GABRB3: variants seen among roughly 807,000 people sequenced by gnomAD.
The protein encoded by GABRB3 is gamma-aminobutyric acid type A receptor subunit beta3, also known as gamma-aminobutyric acid receptor subunit beta-3.
GABRB3 carries 14 observed loss-of-function variants against 52.1 expected under a neutral mutation model. The observed-to-expected ratio is 0.27, with a 90% CI of 0.18 to 0.42. The LOEUF (loss-of-function observed/expected upper bound fraction) is 0.42, where lower values mean the gene tolerates loss of function less well. GABRB3 is among the 10% of genes least tolerant of loss of function. GABRB3 has a pLI of 1.00. For synonymous variants in GABRB3, 260 were observed against 232.3 expected (o/e 1.12, Z -1.08); for missense variants, 307 against 609.1 (o/e 0.50, Z 5.22).
chr15:26,584,646 A>G (rs550617813), intron 4 of GABRB3, among the ~76,000 whole-genome samples: 2 of 152,330 alleles, frequency 1.3e-5, no homozygotes, highest in African/African-American at 4.8e-5. Context: ...GGTTAAGCCA[A>G]CCCTACACTG....
At chr15:26,732,796 C>T (rs569490280) in intron 3 of GABRB3, among the ~76,000 whole-genome samples, 139 of 152,188 alleles carry the variant, frequency 9.1e-4, no homozygotes, top group African/African-American at 3.3e-3. Context: ...CAAGACCATC[C>T]TGGCCAAAAT....
chr15:26,700,544 C>T (rs1159342633), intron 3 of GABRB3, among the ~76,000 whole-genome samples: 3 of 152,198 alleles, frequency 2.0e-5, no homozygotes, highest in Non-Finnish European at 4.4e-5. Context: ...CGGTATCCCT[C>T]ATGAACATTT....
At chr15:26,725,537 C>A (rs922692020) in intron 3 of GABRB3, among the ~76,000 whole-genome samples, 1 of 152,330 alleles carries the variant, frequency 6.6e-6, no homozygotes, top group African/African-American at 2.4e-5. Context: ...TGCTTACATG[C>A]AAATTACTTC....
At chr15:26,759,722 T>G (rs1298351468) in intron 3 of GABRB3, among the ~76,000 whole-genome samples, 1 of 152,206 alleles carries the variant, frequency 6.6e-6, no homozygotes, top group Non-Finnish European at 1.5e-5. Flanking sequence ...ACTCAAAGAA[T>G]GTTAAGATTG....
In GABRB3 at chr15:26,545,534, GT is replaced by G. The variant is rs2140639627; in HGVS notation, c.*2258del. 6.5e-6 allele frequency: 1 copy of G among 152,704 alleles called. No individual in the cohort carries two copies. Among genetic ancestry groups the G allele is most frequent in the Non-Finnish European group, 1.5e-5 (1 of 68,026 alleles). The allele number at this position is 152,704 out of a possible 1,614,324, so 9.5% of individuals were successfully genotyped here. A position where few individuals can be genotyped will look rare whatever the true frequency, so the allele number is the denominator to read the frequency against. On this transcript the variant is annotated 3_prime_UTR_variant, in exon 9 of 9. Transcript: ENST00000311550. ...TATACACTTAAATAGACCATTGACT[GT>G]TTTTGTCCACATCCATTTACATTTT...
intron 6 of GABRB3, among the ~76,000 whole-genome samples, chr15:26,570,345 C>T (rs963285539): frequency 2.6e-5 from 4 of 152,190 alleles, no homozygotes; most frequent in Admixed American, 2.0e-4. Context: ...TTTTAGACTC[C>T]GTTTCTTGTA....
chr15:26,695,595 T>C (rs1185410858), intron 3 of GABRB3, among the ~76,000 whole-genome samples: 1 of 152,086 alleles, frequency 6.6e-6, no homozygotes, highest in Admixed American at 6.6e-5. Context: ...TTAAAAGAAG[T>C]TCTTCAGAGA....
chr15:26,576,287 CA>C (rs1246461986), intron 6 of GABRB3, among the ~76,000 whole-genome samples: 1 of 152,186 alleles, frequency 6.6e-6, no homozygotes, highest in Non-Finnish European at 1.5e-5. Context: ...GTGCTTTCTT[CA>C]ACAACAGAGT....
intron 3 of GABRB3, among the ~76,000 whole-genome samples, chr15:26,740,136 T>TC (rs1014655726): frequency 6.6e-6 from 1 of 151,890 alleles, no homozygotes; most frequent in African/African-American, 2.4e-5. Flanking sequence ...TGACTTGAGA[T>TC]CCCCCCACCA....
At chr15:26,560,043 A>T (rs1889920154) in intron 8 of GABRB3, among the ~76,000 whole-genome samples, 1 of 152,194 alleles carries the variant, frequency 6.6e-6, no homozygotes, top group Non-Finnish European at 1.5e-5. Flanking sequence ...TTTACAACTA[A>T]AGGAATATTG....
At chr15:26,629,082 G>A (rs1892826862) in intron 3 of GABRB3, 7 of 1,535,898 alleles carry the variant, frequency 4.6e-6, no homozygotes, top group African/African-American at 2.7e-5. Context: ...CTAACCGGAA[G>A]TTGTGACTGT....
At chr15:26,657,713 C>G (rs1322519200) in intron 3 of GABRB3, among the ~76,000 whole-genome samples, 29 of 152,078 alleles carry the variant, frequency 1.9e-4, no homozygotes, top group Admixed American at 1.9e-3. Flanking sequence ...ACCACTTTTG[C>G]AAAAATTATG....
At chr15:26,677,267 A>G (rs954523525) in intron 3 of GABRB3, among the ~76,000 whole-genome samples, 1 of 152,230 alleles carries the variant, frequency 6.6e-6, no homozygotes, top group Non-Finnish European at 1.5e-5. Flanking sequence ...ATTCCCAGTT[A>G]GAACACCTTT....
At chr15:26,620,173 A>G (rs1245158492) in intron 4 of GABRB3, among the ~76,000 whole-genome samples, 1 of 152,190 alleles carries the variant, frequency 6.6e-6, no homozygotes, top group Non-Finnish European at 1.5e-5. Context: ...AACTTCCCAA[A>G]GAAACTCCAG....
intron 6 of GABRB3, among the ~76,000 whole-genome samples, chr15:26,570,248 T>C (rs1333718475): frequency 6.6e-6 from 1 of 152,236 alleles, no homozygotes; most frequent in African/African-American, 2.4e-5. Context: ...TATGTGGATT[T>C]TGGTTCCACA....
At chr15:26,763,605 G>GAT (rs1409749631) in intron 3 of GABRB3, among the ~76,000 whole-genome samples, 2 of 29,552 alleles carry the variant, frequency 6.8e-5, no homozygotes, top group Non-Finnish European at 1.2e-4. Context: ...GGTCTGCATA[G>GAT]ATACACACAC....
rs374816973 is a variant in GABRB3, at chr15:26,618,982, C to A, written c.461+2332G>T. Among the ~76,000 whole-genome samples, 226 of 144,356 alleles carry A rather than the reference C, an allele frequency of 1.6e-3. 4 individuals carry two copies. In the East Asian group the frequency reaches 0.029, roughly 19 times the overall value. The allele number at this position is 144,356 out of a possible 152,430, so 94.7% of individuals were successfully genotyped here. ...ACCACAATGAGATACCATCTCACACCAGTTAGAATGGCAATCATTCAAAAG... is the reference window on the plus strand; with the variant it reads ...ACCACAATGAGATACCATCTCACACAAGTTAGAATGGCAATCATTCAAAAG... On this transcript the variant is annotated intron_variant, in intron 4 of 8. Transcript: ENST00000311550.
chr15:26,588,401 G>A (rs1891073935), intron 4 of GABRB3, among the ~76,000 whole-genome samples: 1 of 152,130 alleles, frequency 6.6e-6, no homozygotes, highest in Non-Finnish European at 1.5e-5. Flanking sequence ...CCATATTATA[G>A]AGGTATTGTT....
chr15:26,668,759 A>G (rs1887796048), intron 3 of GABRB3, among the ~76,000 whole-genome samples: 1 of 152,232 alleles, frequency 6.6e-6, no homozygotes, highest in African/African-American at 2.4e-5. Flanking sequence ...GGAAGTGAGC[A>G]GCAAAACCTC....
Sources: gnomAD v4.1 joint callset for allele counts (sites outside exome capture counted in the v4.1 genomes callset) on GRCh38, gnomAD v4.1.1 for gene constraint, MANE v1.5 for transcripts, NCBI Gene and HGNC (gene_info 2026-07-23, HGNC 2026-07-21) for gene names.